Variants in CTNND2 observed in about 807,000 individuals in gnomAD.
The protein encoded by CTNND2 is catenin delta 2.
CTNND2 carries 22 observed loss-of-function variants against 144.4 expected under a neutral mutation model. The observed-to-expected ratio is 0.15, with a 90% CI of 0.11 to 0.22. The LOEUF is 0.22. Ranked by LOEUF, CTNND2 falls within the 10% of genes least tolerant of loss-of-function variation. CTNND2 has a pLI of 1.00. For missense variants in CTNND2, 1,353 were observed against 1,618.8 expected (o/e 0.84, Z 2.82); for synonymous variants, 751 against 695.6 (o/e 1.08, Z -1.25).
At chr5:11,385,366 C>A in intron 6 of CTNND2, 137 bp from the exon 7 acceptor site, 1 of 450,748 alleles carries the variant, frequency 2.2e-6, no homozygotes. Flanking sequence ...CCCAGCTGCG[C>A]TCGGGGCAGT....
At chr5:11,701,781 T>A (rs1418310776) in intron 2 of CTNND2, among the ~76,000 whole-genome samples, 1 of 152,326 alleles carries the variant, frequency 6.6e-6, no homozygotes, top group Non-Finnish European at 1.5e-5. Flanking sequence ...ATTTGTATAA[T>A]TTTTATATTA....
chr5:11,307,444 G>A (rs2150043775), intron 9 of CTNND2, among the ~76,000 whole-genome samples: 1 of 152,216 alleles, frequency 6.6e-6, no homozygotes, highest in East Asian at 1.9e-4. Flanking sequence ...AGCAAGGCAA[G>A]GCCTGCTTTG....
intron 2 of CTNND2, among the ~76,000 whole-genome samples, chr5:11,726,314 T>C (rs1041341820): frequency 2.0e-5 from 3 of 152,040 alleles, no homozygotes; most frequent in Non-Finnish European, 4.4e-5. Context: ...TTAAATGATA[T>C]GAAAAAATAC....
At chr5:11,873,740 G>C (rs1735337794) in intron 1 of CTNND2, among the ~76,000 whole-genome samples, 1 of 152,162 alleles carries the variant, frequency 6.6e-6, no homozygotes, top group African/African-American at 2.4e-5. Flanking sequence ...TTCCCAACTG[G>C]ACAAGGGGCT....
chr5:11,000,381 C>T (rs183966080), intron 18 of CTNND2, among the ~76,000 whole-genome samples: 5 of 152,216 alleles, frequency 3.3e-5, no homozygotes, highest in East Asian at 1.9e-4. Context: ...ATTAGCTGGG[C>T]GTCGTGGTGG....
rs868280362 is a variant in CTNND2 at position 11,098,631 on chromosome 5, C to A, written c.2581G>T (p.Asp861Tyr). Residue 861 changes from aspartate (D) to tyrosine (Y), a missense_variant, in exon 15 of 22, where the codon GAC becomes TAC. Coordinates refer to ENST00000304623, the MANE Select transcript of CTNND2 (RefSeq NM_001332.4). The stretch of plus-strand genomic sequence containing the variant: ...GCGCCTGCCGCCCCTTCCAGCGTGT[C>A]TGGATTTGAGCACTCAGAGAGCAGT... ...LTLLSECSNP[D>Y]TLEGAAGALQ... 6.2e-7 allele frequency: 1 copy of A among 1,614,168 alleles called. No homozygotes were observed. Among genetic ancestry groups the A allele is most frequent in the Admixed American group, 1.7e-5 (1 of 60,018 alleles).
intron 12 of CTNND2, among the ~76,000 whole-genome samples, chr5:11,156,734 A>G (rs1252256026): frequency 5.5e-5 from 4 of 73,310 alleles, no homozygotes; most frequent in African/African-American, 5.0e-4. Flanking sequence ...GGAGGTCAAG[A>G]GACTACTTGC....
chr5:11,725,388 A>G (rs1039697997), intron 2 of CTNND2, among the ~76,000 whole-genome samples: 1 of 152,282 alleles, frequency 6.6e-6, no homozygotes, highest in African/African-American at 2.4e-5. Flanking sequence ...TTTTAAAAAT[A>G]CATTGCGGAT....
At position 11,878,560 on chromosome 5, in the gene CTNND2, C is replaced by T. The variant is rs955549574; in HGVS notation, c.37+25257G>A. 1.3e-4 allele frequency among the ~76,000 whole-genome samples: 20 copies of T among 152,308 alleles called. No individual in the cohort carries two copies. In the South Asian group the frequency reaches 2.5e-3, roughly 19 times the overall value. Reference sequence around the variant, plus strand: ...AAACTGAATACAACTGCACCAGAAACCTGTTCTAAGGCTTGAACAGCTGGG... The same window carrying T: ...AAACTGAATACAACTGCACCAGAAATCTGTTCTAAGGCTTGAACAGCTGGG... On this transcript the variant is annotated intron_variant, in intron 1 of 21. Transcript: ENST00000304623.
At chr5:11,630,788 C>T (rs1418067359) in intron 2 of CTNND2, among the ~76,000 whole-genome samples, 1 of 151,878 alleles carries the variant, frequency 6.6e-6, no homozygotes, top group African/African-American at 2.4e-5. Context: ...GCCGTCTCTA[C>T]TAAAAATATA....
intron 16 of CTNND2, among the ~76,000 whole-genome samples, chr5:11,070,044 T>C (rs1222621308): frequency 1.3e-5 from 2 of 152,114 alleles, no homozygotes; most frequent in African/African-American, 4.8e-5. Context: ...TCTTTCAACA[T>C]AAAACGTCCG....
At chr5:11,813,039 T>G (rs747766804) in intron 1 of CTNND2, among the ~76,000 whole-genome samples, 25 of 152,216 alleles carry the variant, frequency 1.6e-4, no homozygotes, top group Non-Finnish European at 2.9e-4. Context: ...TGTAGAGTCA[T>G]GCACTGCATA....
intron 2 of CTNND2, among the ~76,000 whole-genome samples, chr5:11,714,189 T>A (rs1178815815): frequency 6.6e-6 from 1 of 152,144 alleles, no homozygotes; most frequent in African/African-American, 2.4e-5. Flanking sequence ...GAGCTAACAT[T>A]GGTAGAAAAT....
chr5:11,115,145 T>C (rs1247882145), intron 13 of CTNND2, among the ~76,000 whole-genome samples: 1 of 152,222 alleles, frequency 6.6e-6, no homozygotes, highest in Non-Finnish European at 1.5e-5. Flanking sequence ...CAGCCCTGAA[T>C]ACTCCCAATT....
chr5:11,631,388 C>A (rs1010312911), intron 2 of CTNND2, among the ~76,000 whole-genome samples: 2 of 152,172 alleles, frequency 1.3e-5, no homozygotes, highest in East Asian at 3.9e-4. Context: ...CACTTTACTA[C>A]TATAAAAATT....
Position 11,296,102 on chromosome 5 carries a change from C to A in CTNND2, c.1628+50270G>T, listed in dbSNP as rs1180770946. The stretch of plus-strand genomic sequence containing the variant: ...CTACTCATCTGACAAGTACTAATAT[C>A]CAGAATCTACAATGAACTCAAACAA... On this transcript the variant is annotated intron_variant, in intron 9 of 21. Transcript: ENST00000304623. Among the ~76,000 whole-genome samples the A allele has an allele frequency of 4.3e-5, 6 of 140,942 alleles. No individual in the cohort carries two copies. In the South Asian group the frequency reaches 9.3e-4, roughly 22 times the overall value. The allele number at this position is 140,942 out of a possible 152,430, so 92.5% of individuals were successfully genotyped here. A position where few individuals can be genotyped will look rare whatever the true frequency, so the allele number is the denominator to read the frequency against.
At chr5:11,018,277 C>T (rs1741840641) in intron 17 of CTNND2, among the ~76,000 whole-genome samples, 1 of 152,184 alleles carries the variant, frequency 6.6e-6, no homozygotes, top group African/African-American at 2.4e-5. Flanking sequence ...TGTGTTCCGA[C>T]TGCTCCACAG....
At chr5:11,888,230 T>C (rs1736696918) in intron 1 of CTNND2, among the ~76,000 whole-genome samples, 1 of 152,196 alleles carries the variant, frequency 6.6e-6, no homozygotes, top group African/African-American at 2.4e-5. Flanking sequence ...ATTACATCTG[T>C]CCTTTAATTA....
chr5:11,137,642 T>G (rs576801204), intron 12 of CTNND2, among the ~76,000 whole-genome samples: 1 of 152,322 alleles, frequency 6.6e-6, no homozygotes, highest in South Asian at 2.1e-4. Context: ...AGAAAGCAGG[T>G]GACTGATGAC....
Sources: allele counts gnomAD v4.1 joint callset (sites outside exome capture counted in the v4.1 genomes callset), GRCh38; gene constraint gnomAD v4.1.1; transcripts MANE v1.5; gene names NCBI Gene and HGNC (gene_info 2026-07-23, HGNC 2026-07-21).